The following GRID2 variants were observed in gnomAD, a reference collection of about 807,000 sequenced individuals.
GRID2 encodes glutamate ionotropic receptor delta type subunit 2, also known as glutamate receptor ionotropic, delta-2.
Under a neutral mutation model 114.8 loss-of-function variants are expected in GRID2, and 33 were observed. The observed-to-expected ratio is 0.29, with a 90% CI of 0.22 to 0.38. GRID2 has a LOEUF of 0.38. Among genes scored for constraint, GRID2 ranks in the 10% least tolerant of loss-of-function variants. The pLI is 1.00. For synonymous variants in GRID2, 505 were observed against 449.9 expected (o/e 1.12, Z -1.55); for missense variants, 1,184 against 1,257.7 (o/e 0.94, Z 0.89).
intron 14 of GRID2, among the ~76,000 whole-genome samples, chr4:93,689,110 A>C (rs750675880): frequency 5.9e-5 from 9 of 151,986 alleles, no homozygotes; most frequent in Admixed American, 5.9e-4. Context: ...CGTGAAGACA[A>C]TGGGGAGGAG....
At chr4:92,607,292 T>C (rs17019701) in intron 2 of GRID2, among the ~76,000 whole-genome samples, 8,805 of 152,094 alleles carry the variant, frequency 0.058, 289 homozygotes, top group East Asian at 0.12. Flanking sequence ...GCTGAAGTTA[T>C]ATATTTAAAA....
chr4:92,455,031 C>T (rs1429358088), intron 1 of GRID2, among the ~76,000 whole-genome samples: 1 of 152,124 alleles, frequency 6.6e-6, no homozygotes, highest in African/African-American at 2.4e-5. Flanking sequence ...AAATGTTTTA[C>T]AACTTCATGA....
intron 2 of GRID2, among the ~76,000 whole-genome samples, chr4:93,061,103 A>AAAATAAATAAAT (rs58943728): frequency 1.0e-4 from 15 of 143,952 alleles, no homozygotes; most frequent in African/African-American, 2.9e-4. Context: ...ACTCCATCTC[A>AAAATAAATAAAT]AAATAAATAA....
chr4:92,643,919 A>T (rs942110359), intron 2 of GRID2, among the ~76,000 whole-genome samples: 9 of 151,854 alleles, frequency 5.9e-5, no homozygotes, highest in African/African-American at 2.2e-4. Context: ...AATTTTCTCA[A>T]GGATCACATA....
chr4:93,724,471 T>C (rs1438549115), intron 14 of GRID2, among the ~76,000 whole-genome samples: 1 of 152,268 alleles, frequency 6.6e-6, no homozygotes, highest in East Asian at 1.9e-4. Context: ...ATTTTATTAA[T>C]TTTTTAAAAA....
chr4:92,311,409 A>T (rs1725703220), intron 1 of GRID2, among the ~76,000 whole-genome samples: 1 of 152,076 alleles, frequency 6.6e-6, no homozygotes, highest in South Asian at 2.1e-4. Context: ...TCTTGAGTAG[A>T]TACAGGGAAG....
intron 6 of GRID2, among the ~76,000 whole-genome samples, chr4:93,218,237 A>G (rs926062405): frequency 6.6e-6 from 1 of 151,942 alleles, no homozygotes; most frequent in Non-Finnish European, 1.5e-5. Context: ...TGCAGTGGCT[A>G]CACCTACAAT....
rs1034713263 is a variant in GRID2, at chr4:93,502,709, C to A, written c.1997+11932C>A. On this transcript the variant is annotated intron_variant, in intron 12 of 15. Coordinates refer to ENST00000282020, the MANE Select transcript of GRID2 (RefSeq NM_001510.4). ...ATTTTAATGGCTCTCTCCTCCACTC[C>A]CCCCCCCCACACACACACGCACACC... Among the ~76,000 whole-genome samples the A allele has an allele frequency of 2.1e-3, 234 of 112,174 alleles. 3 individuals are homozygous for A. The highest frequency in any genetic ancestry group is 3.3e-3 in the Non-Finnish European group (185 of 56,712). 73.6% of individuals were successfully genotyped at this position (112,174 alleles called of 152,430 possible).
chr4:92,379,162 G>A (rs1320250352), intron 1 of GRID2, among the ~76,000 whole-genome samples: 1 of 151,718 alleles, frequency 6.6e-6, no homozygotes, highest in Non-Finnish European at 1.5e-5. Flanking sequence ...ACATGTACTT[G>A]TATGATTATT....
intron 2 of GRID2, among the ~76,000 whole-genome samples, chr4:92,850,132 A>C (rs1342616760): frequency 6.6e-6 from 1 of 151,284 alleles, no homozygotes; most frequent in East Asian, 2.0e-4. Flanking sequence ...AAGATCTACA[A>C]AGTTTATCAG....
At chr4:92,855,722 T>C (rs1190603563) in intron 2 of GRID2, among the ~76,000 whole-genome samples, 3 of 151,998 alleles carry the variant, frequency 2.0e-5, no homozygotes, top group Non-Finnish European at 4.4e-5. Flanking sequence ...ACACACACCT[T>C]TTTAGTCTTA....
At chr4:93,015,292 C>T (rs181245777) in intron 2 of GRID2, among the ~76,000 whole-genome samples, 2 of 152,140 alleles carry the variant, frequency 1.3e-5, no homozygotes, top group Admixed American at 1.3e-4. Flanking sequence ...ATGAGAGAGA[C>T]AATCTTGAGA....
chr4:93,057,595 A>C (rs1727383849), intron 2 of GRID2, among the ~76,000 whole-genome samples: 1 of 151,824 alleles, frequency 6.6e-6, no homozygotes, highest in Non-Finnish European at 1.5e-5. Flanking sequence ...TGATTTTATC[A>C]GGACTGCTAA....
At chr4:92,348,831 G>C (rs1727917292) in intron 1 of GRID2, among the ~76,000 whole-genome samples, 1 of 152,100 alleles carries the variant, frequency 6.6e-6, no homozygotes, top group South Asian at 2.1e-4. Flanking sequence ...AACAAACTCT[G>C]TGGAATTATA....
At chr4:92,449,545 A>G (rs569952592) in intron 1 of GRID2, among the ~76,000 whole-genome samples, 1 of 151,288 alleles carries the variant, frequency 6.6e-6, no homozygotes, top group East Asian at 1.9e-4. Context: ...TTTTGTGATC[A>G]TTTGTATACA....
At chr4:93,411,778 A>C (rs1350187988) in intron 9 of GRID2, among the ~76,000 whole-genome samples, 1 of 151,976 alleles carries the variant, frequency 6.6e-6, no homozygotes, top group African/African-American at 2.4e-5. Context: ...TTTTTCAGCC[A>C]CTTAGTGAAT....
intron 8 of GRID2, among the ~76,000 whole-genome samples, chr4:93,276,070 T>C (rs1056434515): frequency 6.6e-6 from 1 of 151,930 alleles, no homozygotes; most frequent in Admixed American, 6.6e-5. Flanking sequence ...TCATCTAAGA[T>C]TTTTAGAGTT....
intron 2 of GRID2, among the ~76,000 whole-genome samples, chr4:93,024,265 C>T (rs184630722): frequency 2.2e-4 from 34 of 151,494 alleles, no homozygotes; most frequent in African/African-American, 1.9e-4. Flanking sequence ...AAATCTTTCT[C>T]GGAGACAAAT....
chr4:93,285,269 A>G (rs987460670), intron 8 of GRID2, among the ~76,000 whole-genome samples: 1 of 152,090 alleles, frequency 6.6e-6, no homozygotes, highest in Admixed American at 6.6e-5. Flanking sequence ...CAACTTTTTC[A>G]TAGAACATTA....
Sources: allele counts gnomAD v4.1 joint callset (sites outside exome capture counted in the v4.1 genomes callset), GRCh38; gene constraint gnomAD v4.1.1; transcripts MANE v1.5; gene names NCBI Gene and HGNC (gene_info 2026-07-23, HGNC 2026-07-21).